The following VDAC1 variants were observed in gnomAD, a reference collection of about 807,000 sequenced individuals.
VDAC1 encodes the protein voltage dependent anion channel 1.
In VDAC1, 10 loss-of-function variants were observed where a neutral mutation model predicts 34.7. The ratio of observed to expected loss-of-function variants is 0.29; its 90% CI spans 0.18 to 0.49. VDAC1 has a LOEUF of 0.49. Among genes scored for constraint, VDAC1 ranks in the 20% least tolerant of loss-of-function variants. The pLI is 0.99. For missense variants in VDAC1, 230 were observed against 347.9 expected, an observed-to-expected ratio of 0.66 and a Z score of 2.69; for synonymous variants, 130 against 136.0, an observed-to-expected ratio of 0.96 and a Z score of 0.30.
chr5:134,014,704 A>G, the VDAC1 span, among the ~76,000 whole-genome samples: 3 of 152,136 alleles, frequency 2.0e-5, no homozygotes, highest in Admixed American at 1.3e-4. Context: ...CGTCTCTACT[A>G]AAAATACAAA....
chr5:134,072,631 C>T, the VDAC1 span, among the ~76,000 whole-genome samples: 25 of 152,196 alleles, frequency 1.6e-4, no homozygotes, highest in African/African-American at 5.5e-4. Flanking sequence ...TGACCATCAG[C>T]CTGCAACTGG....
chr5:133,985,562 G>A (rs1402226913), intron 5 of VDAC1, among the ~76,000 whole-genome samples: 2 of 152,206 alleles, frequency 1.3e-5, no homozygotes, highest in Admixed American at 6.5e-5. Flanking sequence ...GCTGAGGCAC[G>A]AGAATTGCTT....
the VDAC1 span, among the ~76,000 whole-genome samples, chr5:134,065,162 C>A: frequency 8.6e-5 from 13 of 151,502 alleles, no homozygotes; most frequent in Non-Finnish European, 1.6e-4. Context: ...ATATAAATTT[C>A]TCTCTAATCA....
At chr5:134,005,106 G>A (rs1463248911), upstream of VDAC1, 1 of 152,246 alleles carries the variant, frequency 6.6e-6, no homozygotes, top group Non-Finnish European at 1.5e-5. Flanking sequence ...GATTCTCTGA[G>A]CTGTGGCCCG....
chr5:134,056,868 A>G, the VDAC1 span, among the ~76,000 whole-genome samples: 1 of 152,020 alleles, frequency 6.6e-6, no homozygotes, highest in Admixed American at 6.6e-5. Context: ...TATTTTTAGT[A>G]GAGATGGGTT....
At chr5:134,000,559 A>T (rs982719789) in intron 1 of VDAC1, among the ~76,000 whole-genome samples, 8 of 152,214 alleles carry the variant, frequency 5.3e-5, no homozygotes, top group Admixed American at 5.2e-4. Flanking sequence ...TTGACCAGGT[A>T]GGGTTGAGAC....
At chr5:134,081,316 C>T in the VDAC1 span, among the ~76,000 whole-genome samples, 3 of 151,814 alleles carry the variant, frequency 2.0e-5, no homozygotes, top group East Asian at 1.9e-4. Context: ...GGATTACAGG[C>T]GTGAGCCACC....
At chr5:134,017,578 G>A in the VDAC1 span, among the ~76,000 whole-genome samples, 2 of 152,134 alleles carry the variant, frequency 1.3e-5, no homozygotes, top group African/African-American at 2.4e-5. Context: ...CCATATCTTA[G>A]GTATTACTAA....
intron 5 of VDAC1, chr5:133,989,208 G>C (rs924356454): frequency 2.0e-5 from 3 of 152,140 alleles, no homozygotes; most frequent in African/African-American, 7.2e-5. Context: ...ACCCAGCACA[G>C]GTCTGCACTT....
the VDAC1 span, among the ~76,000 whole-genome samples, chr5:134,051,650 C>T: frequency 3.1e-4 from 47 of 149,226 alleles, no homozygotes; most frequent in African/African-American, 1.1e-3. Context: ...CACACTACCC[C>T]TAGTGCCTGG....
chr5:133,991,709 T>C (rs1208753920), intron 3 of VDAC1, among the ~76,000 whole-genome samples: 3 of 150,930 alleles, frequency 2.0e-5, no homozygotes, highest in Admixed American at 6.6e-5. Flanking sequence ...ATGCAGAAAA[T>C]GGAATGAATG....
chr5:134,031,346 G>T, the VDAC1 span, among the ~76,000 whole-genome samples: 4 of 152,098 alleles, frequency 2.6e-5, no homozygotes, highest in African/African-American at 9.7e-5. Context: ...GACCCCCAAA[G>T]ATATACAGGT....
chr5:134,026,757 C>T, the VDAC1 span, among the ~76,000 whole-genome samples: 4 of 152,174 alleles, frequency 2.6e-5, no homozygotes, highest in South Asian at 8.3e-4. Flanking sequence ...TACTCACCAA[C>T]AAGTGGCAGC....
chr5:134,032,109 C>T, the VDAC1 span, among the ~76,000 whole-genome samples: 3 of 84,548 alleles, frequency 3.5e-5, no homozygotes, highest in African/African-American at 1.1e-4. Flanking sequence ...GGCCACAGAG[C>T]GAGACTCTGC....
chr5:134,066,738 T>C, the VDAC1 span, among the ~76,000 whole-genome samples: 5 of 152,140 alleles, frequency 3.3e-5, no homozygotes, highest in Non-Finnish European at 7.4e-5. Context: ...GCTCCTGTTA[T>C]TACACCTGAA....
the VDAC1 span, among the ~76,000 whole-genome samples, chr5:134,084,449 G>A: frequency 6.6e-6 from 1 of 152,226 alleles, no homozygotes; most frequent in African/African-American, 2.4e-5. Flanking sequence ...GAACTGGCCC[G>A]AACTTTGGTC....
the VDAC1 span, among the ~76,000 whole-genome samples, chr5:134,077,626 A>ACT: frequency 6.6e-6 from 1 of 152,146 alleles, no homozygotes; most frequent in African/African-American, 2.4e-5. Context: ...CTTAATGCAT[A>ACT]CTCGCTCATT....
chr5:134,073,522 T>C, the VDAC1 span, among the ~76,000 whole-genome samples: 5 of 152,334 alleles, frequency 3.3e-5, no homozygotes, highest in South Asian at 6.2e-4. Context: ...ATACCTCCTC[T>C]GATGCAGACC....
the VDAC1 span, among the ~76,000 whole-genome samples, chr5:134,082,726 G>A: frequency 1.6e-4 from 25 of 152,112 alleles, no homozygotes; most frequent in Non-Finnish European, 2.2e-4. Context: ...TGGTCAGTTC[G>A]GGTTTTCTTT....
Sources: allele counts gnomAD v4.1 joint callset (sites outside exome capture counted in the v4.1 genomes callset), GRCh38; gene constraint gnomAD v4.1.1; transcripts MANE v1.5; gene names NCBI Gene and HGNC (gene_info 2026-07-23, HGNC 2026-07-21).